TMEM108: variants seen among roughly 807,000 people sequenced by gnomAD.
TMEM108 encodes the protein cancer/testis antigen 124.
In TMEM108, 12 loss-of-function variants were observed where a neutral mutation model predicts 35.1. The observed-to-expected ratio is 0.34, with a 90% CI of 0.22 to 0.55. The LOEUF (loss-of-function observed/expected upper bound fraction) is 0.55. TMEM108 is among the 20% of genes least tolerant of loss of function. TMEM108 has a pLI of 0.89. For synonymous variants in TMEM108, 287 were observed against 308.6 expected, an observed-to-expected ratio of 0.93 and a Z score of 0.73; for missense variants, 680 against 753.3, an observed-to-expected ratio of 0.90 and a Z score of 1.14.
At chr3:133,265,443 G>C (rs1484578375) in intron 3 of TMEM108, among the ~76,000 whole-genome samples, 1 of 152,304 alleles carries the variant, frequency 6.6e-6, no homozygotes, top group East Asian at 1.9e-4. Context: ...AGCACTTGCA[G>C]ATAAAATATA....
intron 3 of TMEM108, among the ~76,000 whole-genome samples, chr3:133,286,513 T>G (rs1255750325): frequency 6.6e-6 from 1 of 152,118 alleles, no homozygotes; most frequent in Non-Finnish European, 1.5e-5. Flanking sequence ...AAAAATTTTT[T>G]TTTGTAGAGA....
At chr3:133,389,181 C>T in intron 4 of TMEM108, 1 of 985,682 alleles carries the variant, frequency 1.0e-6, no homozygotes, top group Non-Finnish European at 1.2e-6. Flanking sequence ...ACCTCAGAAG[C>T]CTTCCCTGCT....
intron 2 of TMEM108, among the ~76,000 whole-genome samples, chr3:133,114,809 A>G (rs1478767997): frequency 6.6e-6 from 1 of 152,100 alleles, no homozygotes; most frequent in East Asian, 1.9e-4. Context: ...CCATTTTCCA[A>G]CAGTTTTGTT....
intron 2 of TMEM108, among the ~76,000 whole-genome samples, chr3:133,178,218 C>A (rs554958782): frequency 6.6e-6 from 1 of 152,122 alleles, no homozygotes; most frequent in Admixed American, 6.6e-5. Context: ...GAATCAATAT[C>A]GTGAAAATGG....
At chr3:133,339,877 G>A (rs1017451680) in intron 3 of TMEM108, among the ~76,000 whole-genome samples, 2 of 151,600 alleles carry the variant, frequency 1.3e-5, no homozygotes, top group African/African-American at 4.8e-5. Context: ...GAAATCAGAA[G>A]GAAATTGAAA....
At chr3:133,288,284 T>C (rs1390961802) in intron 3 of TMEM108, among the ~76,000 whole-genome samples, 33 of 152,180 alleles carry the variant, frequency 2.2e-4, no homozygotes, top group Non-Finnish European at 5.9e-5. Context: ...ATGCAGTTAA[T>C]TAAGTAAAAC....
In TMEM108 at chr3:133,339,370, A is replaced by G. The variant is rs973917677; in HGVS notation, c.41-40382A>G. 2.0e-5 allele frequency among the ~76,000 whole-genome samples: 3 copies of G among 152,144 alleles called. No individual in the cohort carries two copies. The South Asian group carries it at 6.2e-4, about 31-fold the overall frequency. ...TTAAGAAGAGACAAAGAAGGTCACT[A>G]TATAATGATAAGGAGTCAATTCAGC... On this transcript the variant is annotated intron_variant, in intron 3 of 5. Coordinates refer to ENST00000321871, the MANE Select transcript of TMEM108 (RefSeq NM_023943.4).
intron 3 of TMEM108, among the ~76,000 whole-genome samples, chr3:133,284,676 A>C (rs1946960409): frequency 6.6e-6 from 1 of 152,322 alleles, no homozygotes; most frequent in Non-Finnish European, 1.5e-5. Context: ...CCTCTTCCAA[A>C]AAACGGCTTT....
chr3:133,040,750 C>T (rs1010415432), intron 1 of TMEM108, among the ~76,000 whole-genome samples: 3 of 152,170 alleles, frequency 2.0e-5, no homozygotes, highest in Non-Finnish European at 4.4e-5. Context: ...CATCTAGCAA[C>T]GTACTTCAGT....
At chr3:133,322,883 G>A (rs1159280645) in intron 3 of TMEM108, among the ~76,000 whole-genome samples, 1 of 152,024 alleles carries the variant, frequency 6.6e-6, no homozygotes, top group Non-Finnish European at 1.5e-5. Context: ...CGATAAATGT[G>A]ATACATCACA....
chr3:133,363,710 A>G (rs73209822), intron 3 of TMEM108, among the ~76,000 whole-genome samples: 2,279 of 152,270 alleles, frequency 0.015, 27 homozygotes, highest in Non-Finnish European at 0.02. Flanking sequence ...CCGGCCTGTT[A>G]TTATTTTTAT....
Position 133,206,098 on chromosome 3 carries a change from A to T in TMEM108, c.-46-23168A>T, listed in dbSNP as rs143950994. On this transcript the variant is annotated intron_variant, in intron 2 of 5. Coordinates refer to ENST00000321871, the MANE Select transcript of TMEM108 (RefSeq NM_023943.4). ...TGCTGCCTGATCAATTCAGCTATTGATACTTCTGTATGCATCACGAAGTTC... is the reference window on the plus strand; with the variant it reads ...TGCTGCCTGATCAATTCAGCTATTGTTACTTCTGTATGCATCACGAAGTTC... Among the ~76,000 whole-genome samples the T allele has an allele frequency of 1.3e-3, 202 of 152,230 alleles. 1 individual carries two copies. The highest frequency in any genetic ancestry group is 4.4e-3 in the African/African-American group (181 of 41,534).
intron 2 of TMEM108, among the ~76,000 whole-genome samples, chr3:133,083,689 T>C (rs1943844005): frequency 6.6e-6 from 1 of 152,232 alleles, no homozygotes; most frequent in Admixed American, 6.5e-5. Context: ...CCTGAGGACA[T>C]TCCAAAGACA....
chr3:133,209,513 C>T (rs976548504), intron 2 of TMEM108, among the ~76,000 whole-genome samples: 19 of 151,864 alleles, frequency 1.3e-4, no homozygotes, highest in African/African-American at 4.6e-4. Flanking sequence ...TGTTTTTATT[C>T]TCAGCCCCAG....
intron 2 of TMEM108, among the ~76,000 whole-genome samples, chr3:133,140,459 G>T (rs1944626182): frequency 6.6e-6 from 1 of 152,192 alleles, no homozygotes; most frequent in Non-Finnish European, 1.5e-5. Flanking sequence ...TGGTAGAGTT[G>T]TGAAGAATTG....
chr3:133,307,711 G>C (rs151044904), intron 3 of TMEM108, among the ~76,000 whole-genome samples: 1 of 152,210 alleles, frequency 6.6e-6, no homozygotes, highest in African/African-American at 2.4e-5. Flanking sequence ...TGAGGCCTTT[G>C]TTCTGTTCCA....
At chr3:133,075,729 T>C (rs577511465) in intron 2 of TMEM108, among the ~76,000 whole-genome samples, 2 of 152,290 alleles carry the variant, frequency 1.3e-5, no homozygotes, top group African/African-American at 4.8e-5. Context: ...CTGCCTTTCC[T>C]GGGAAAATAT....
At chr3:133,137,775 G>A (rs775173721) in intron 2 of TMEM108, among the ~76,000 whole-genome samples, 5 of 152,184 alleles carry the variant, frequency 3.3e-5, no homozygotes, top group Non-Finnish European at 7.4e-5. Flanking sequence ...GACAGCCAAG[G>A]ATGGGACAGC....
chr3:133,279,936 T>C (rs185316221), intron 3 of TMEM108, among the ~76,000 whole-genome samples: 10 of 152,294 alleles, frequency 6.6e-5, no homozygotes, highest in African/African-American at 2.4e-4. Context: ...AAATATAATA[T>C]TATGCCAACT....
Sources: allele counts gnomAD v4.1 joint callset (sites outside exome capture counted in the v4.1 genomes callset), GRCh38; gene constraint gnomAD v4.1.1; transcripts MANE v1.5; gene names NCBI Gene and HGNC (gene_info 2026-07-23, HGNC 2026-07-21).